The following PTPRN2 variants were observed in gnomAD, a reference collection of about 807,000 sequenced individuals.
PTPRN2 encodes protein tyrosine phosphatase receptor type N2, also known as receptor-type tyrosine-protein phosphatase N2.
Under a neutral mutation model 118.8 loss-of-function variants are expected in PTPRN2, and 74 were observed. The observed-to-expected ratio is 0.62, with a 90% CI of 0.52 to 0.76. The LOEUF (loss-of-function observed/expected upper bound fraction) is 0.76. Ranked by LOEUF, PTPRN2 falls within the 30% of genes least tolerant of loss-of-function variation. The probability of loss-of-function intolerance (pLI) is 0.00; values close to 1 mark genes in which losing one functional copy is unlikely to be tolerated. For missense variants in PTPRN2, 1,481 were observed against 1,394.4 expected, an observed-to-expected ratio of 1.06 and a Z score of -0.99; for synonymous variants, 641 against 608.0, an observed-to-expected ratio of 1.05 and a Z score of -0.80.
intron 2 of PTPRN2, among the ~76,000 whole-genome samples, chr7:158,387,806 C>T (rs538871685): frequency 6.6e-6 from 1 of 152,282 alleles, no homozygotes; most frequent in South Asian, 2.1e-4. Context: ...CTCCAAGCCG[C>T]TGCCCTGTGG....
intron 12 of PTPRN2, among the ~76,000 whole-genome samples, chr7:157,774,157 G>C (rs1041766503): frequency 2.6e-5 from 4 of 152,222 alleles, no homozygotes; most frequent in Non-Finnish European, 4.4e-5. Flanking sequence ...GGGGAAGAGA[G>C]GAACAGGATC....
intron 1 of PTPRN2, among the ~76,000 whole-genome samples, chr7:158,524,195 G>A (rs1229454639): frequency 3.8e-5 from 2 of 52,070 alleles, no homozygotes; most frequent in Admixed American, 1.8e-4. Context: ...GAGTGGAGTC[G>A]TCTACCCTGG....
chr7:157,609,587 TG>T lies in PTPRN2; in HGVS notation c.2345-5513del, dbSNP rs912077430. On this transcript the variant is annotated intron_variant, in intron 15 of 22. Transcript: ENST00000389418. This position sits in a 1 kb window ranked among gnomAD's most constrained non-coding sequence, Gnocchi z 4.9. ...AACGATTCACGTGGCCACGGCCTCGTGGTCCACAGGGGAGCACAGGGTTTGA... is the reference window on the plus strand; with the variant it reads ...AACGATTCACGTGGCCACGGCCTCGTGTCCACAGGGGAGCACAGGGTTTGA... Among the ~76,000 whole-genome samples, 18 of 152,164 alleles carry T rather than the reference TG, an allele frequency of 1.2e-4. No individual in the cohort carries two copies. Among genetic ancestry groups the T allele is most frequent in the Non-Finnish European group, 1.5e-4 (10 of 68,036 alleles).
In PTPRN2 at chr7:158,149,181, C is replaced by A. The variant is rs142153773; in HGVS notation, c.911-10666G>T. 2.2e-3 allele frequency among the ~76,000 whole-genome samples: 305 copies of A among 135,710 alleles called. 7 individuals are homozygous for A. The highest frequency in any genetic ancestry group is 4.4e-3 in the Middle Eastern group (1 of 226). 89.0% of individuals were successfully genotyped at this position (135,710 alleles called of 152,430 possible). ...CAGTGACACCCCATCTCACGCCACA[C>A]GTCTTTCCTCCTCAAGTGCACGAGT... On this transcript the variant is annotated intron_variant, in intron 6 of 22. Coordinates refer to ENST00000389418, the MANE Select transcript of PTPRN2 (RefSeq NM_002847.5).
chr7:157,813,685 T>A lies in PTPRN2; in HGVS notation c.1788+84988A>T, dbSNP rs556131045. ...ATCGCTGTATTTTCCAGATGTCCAC[T>A]GAGGAATGAGCATTGCTTTTTAATT... On this transcript the variant is annotated intron_variant, in intron 12 of 22. Transcript: ENST00000389418. The surrounding 1 kb of genome is among the most constrained non-coding windows in gnomAD (Gnocchi z 4.7). Among the ~76,000 whole-genome samples the A allele has an allele frequency of 1.1e-3, 171 of 151,924 alleles. 2 individuals carry two copies. Among genetic ancestry groups the A allele is most frequent in the Non-Finnish European group, 1.4e-3 (92 of 68,032 alleles).
chr7:157,570,237 C>T (rs188083464), intron 20 of PTPRN2, among the ~76,000 whole-genome samples: 1 of 152,390 alleles, frequency 6.6e-6, no homozygotes, highest in East Asian at 1.9e-4. Context: ...TCTCACTTGT[C>T]TCCTATGCAC....
chr7:158,538,240 C>G (rs1825765534), intron 1 of PTPRN2, among the ~76,000 whole-genome samples: 1 of 152,232 alleles, frequency 6.6e-6, no homozygotes, highest in South Asian at 2.1e-4. Context: ...TCGACGTAGC[C>G]CACAGCCAGG....
At chr7:158,441,510 AGTGGTGGCAGTGGTG>A (rs1234842521) in intron 2 of PTPRN2, among the ~76,000 whole-genome samples, 2 of 130,840 alleles carry the variant, frequency 1.5e-5, no homozygotes, top group Admixed American at 7.3e-5. Flanking sequence ...TGGTGATGGC[AGTGGTGGCAGTGGTG>A]GTGATGGTAA....
intron 1 of PTPRN2, among the ~76,000 whole-genome samples, chr7:158,511,638 T>A (rs1223782956): frequency 2.6e-5 from 4 of 152,180 alleles, no homozygotes; most frequent in African/African-American, 9.7e-5. Flanking sequence ...TCTCACACAA[T>A]CGCACACATC....
At chr7:158,409,136 G>A (rs1424901054) in intron 2 of PTPRN2, among the ~76,000 whole-genome samples, 2 of 152,174 alleles carry the variant, frequency 1.3e-5, no homozygotes, top group Non-Finnish European at 2.9e-5. Context: ...GTAATGCTTG[G>A]TTTACGTTAA....
intron 3 of PTPRN2, among the ~76,000 whole-genome samples, chr7:158,297,665 C>G (rs1439236693): frequency 5.9e-5 from 9 of 152,180 alleles, no homozygotes; most frequent in African/African-American, 2.2e-4. Flanking sequence ...TCTTGTAAAA[C>G]AGAGAATGGC....
intron 9 of PTPRN2, among the ~76,000 whole-genome samples, chr7:158,130,279 A>G (rs538681899): frequency 1.3e-5 from 2 of 152,316 alleles, no homozygotes; most frequent in African/African-American, 4.8e-5. Flanking sequence ...AATGATCCTC[A>G]AAATAAGAGG....
intron 11 of PTPRN2, among the ~76,000 whole-genome samples, chr7:157,967,080 G>T (rs1801997365): frequency 6.6e-6 from 1 of 152,224 alleles, no homozygotes; most frequent in African/African-American, 2.4e-5. Context: ...AACACTTTGT[G>T]AGGCTGAGAC....
At chr7:158,271,307 T>C (rs1798501898) in intron 3 of PTPRN2, among the ~76,000 whole-genome samples, 2 of 152,200 alleles carry the variant, frequency 1.3e-5, no homozygotes, top group African/African-American at 2.4e-5. Flanking sequence ...ACATATATCC[T>C]CTCCACACAC....
chr7:158,138,454 C>T lies in PTPRN2; in HGVS notation c.972G>A (p.Leu324=), dbSNP rs1358677783. The change falls in exon 7 of 23, where the codon CTG becomes CTA. Residue 324 remains leucine, a synonymous_variant. Transcript: ENST00000389418. The part of the protein sequence containing the change: ...LQRQPAEVRG[L]SGLELDGMAE... Reference sequence around the variant, plus strand: ...CCATGCCGTCCAGCTCCAGGCCACTCAGGCCCCTCACCTCAGCCGGCTGCC... The same window carrying T: ...CCATGCCGTCCAGCTCCAGGCCACTTAGGCCCCTCACCTCAGCCGGCTGCC... 1 of 1,613,198 alleles carries T rather than the reference C, an allele frequency of 6.2e-7. No homozygotes were observed. Among genetic ancestry groups the T allele is most frequent in the East Asian group, 2.2e-5 (1 of 44,872 alleles).
chr7:158,092,847 C>T (rs980472381), intron 10 of PTPRN2, among the ~76,000 whole-genome samples: 1 of 152,172 alleles, frequency 6.6e-6, no homozygotes, highest in Non-Finnish European at 1.5e-5. Flanking sequence ...TTCCAAGAAA[C>T]CAGCCCTGTG....
intron 11 of PTPRN2, among the ~76,000 whole-genome samples, chr7:157,988,778 G>A (rs1201768745): frequency 6.6e-6 from 1 of 152,222 alleles, no homozygotes; most frequent in Non-Finnish European, 1.5e-5. Context: ...CCAGTGGGGT[G>A]CAGAATGTCA....
intron 11 of PTPRN2, 49 bp downstream of exon 11, chr7:158,081,249 T>C (rs2128931184): frequency 6.8e-7 from 1 of 1,476,054 alleles, no homozygotes; most frequent in Non-Finnish European, 9.5e-7. Context: ...TGCGTGTGTG[T>C]GTGCACACAC....
At chr7:158,122,857 A>T in intron 9 of PTPRN2, among the ~76,000 whole-genome samples, 1 of 152,178 alleles carries the variant, frequency 6.6e-6, no homozygotes. Flanking sequence ...CTTGTTCTTA[A>T]CAAAACCGAA....
Sources: allele counts gnomAD v4.1 joint callset (sites outside exome capture counted in the v4.1 genomes callset), GRCh38; gene constraint gnomAD v4.1.1; non-coding constraint Gnocchi (gnomAD v3.1); transcripts MANE v1.5; gene names NCBI Gene and HGNC (gene_info 2026-07-23, HGNC 2026-07-21).